The following MBNL1 variants were observed in gnomAD, a reference collection of about 807,000 sequenced individuals.
The protein encoded by MBNL1 is muscleblind like splicing regulator 1, also known as muscleblind-like protein 1.
In MBNL1, 8 loss-of-function variants were observed where a neutral mutation model predicts 42.2. That is an observed-to-expected ratio of 0.19 (90% CI 0.11 to 0.34). MBNL1 has a LOEUF of 0.34. Among genes scored for constraint, MBNL1 ranks in the 10% least tolerant of loss-of-function variants. MBNL1 has a pLI of 1.00. For synonymous variants in MBNL1, 169 were observed against 173.9 expected (o/e 0.97, Z 0.22); for missense variants, 309 against 495.3 (o/e 0.62, Z 3.57).
At chr3:152,256,721 A>C (rs754219829) in intron 2 of MBNL1, among the ~76,000 whole-genome samples, 9 of 151,990 alleles carry the variant, frequency 5.9e-5, no homozygotes, top group Admixed American at 1.3e-4. Context: ...TACTGAAAAG[A>C]CTCTTTTTAA....
At chr3:152,305,851 C>T (rs1313659676) in intron 2 of MBNL1, among the ~76,000 whole-genome samples, 2 of 152,156 alleles carry the variant, frequency 1.3e-5, no homozygotes, top group Admixed American at 6.5e-5. Context: ...GTTTCTTATA[C>T]AAATATCATC....
intron 2 of MBNL1, among the ~76,000 whole-genome samples, chr3:152,380,142 G>A (rs902725413): frequency 1.3e-5 from 2 of 152,002 alleles, no homozygotes; most frequent in South Asian, 4.1e-4. Context: ...CTTACTGTTA[G>A]GTTCTCTGTA....
In MBNL1 at chr3:152,268,938, A is replaced by G; in HGVS notation, c.-944A>G. 2.2e-6 allele frequency: 1 copy of G among 456,116 alleles called. No individual in the cohort carries two copies. Among genetic ancestry groups the G allele is most frequent in the East Asian group, 7.0e-5 (1 of 14,372 alleles). The allele number at this position is 456,116 out of a possible 1,614,324, so 28.3% of individuals were successfully genotyped here. On this transcript the variant is annotated 5_prime_UTR_variant, in exon 1 of 10. Transcript: ENST00000324210. ...CACAGCGACATGCAACAGTCTTTTC[A>G]CTGCAGCTGAATGAGTTGTGGCGCC...
chr3:152,401,544 A>T (rs918795628), intron 2 of MBNL1, among the ~76,000 whole-genome samples: 2 of 152,132 alleles, frequency 1.3e-5, no homozygotes, highest in African/African-American at 4.8e-5. Context: ...CTGTTTCTTG[A>T]ACACAATTTC....
intron 4 of MBNL1, among the ~76,000 whole-genome samples, chr3:152,441,972 T>C (rs1366401189): frequency 6.6e-6 from 1 of 152,120 alleles, no homozygotes; most frequent in East Asian, 1.9e-4. Flanking sequence ...TTTGTATTTT[T>C]AGTGGAGATG....
intron 2 of MBNL1, chr3:152,340,905 T>C (rs1417277025): frequency 1.3e-5 from 21 of 1,604,006 alleles, no homozygotes; most frequent in Non-Finnish European, 1.7e-5. Flanking sequence ...CCATCTGCAT[T>C]GTTCTCTTCT....
At chr3:152,411,377 G>A (rs1000048769) in intron 2 of MBNL1, among the ~76,000 whole-genome samples, 16 of 151,950 alleles carry the variant, frequency 1.1e-4, no homozygotes, top group African/African-American at 2.7e-4. Context: ...AAAATTAGCC[G>A]GGTGTGTTGG....
At chr3:152,315,872 T>A (rs868595665) in intron 2 of MBNL1, among the ~76,000 whole-genome samples, 180 of 141,832 alleles carry the variant, frequency 1.3e-3, no homozygotes, top group East Asian at 8.6e-3. Flanking sequence ...ACACACTCTC[T>A]CTCTCTCTCT....
intron 2 of MBNL1, among the ~76,000 whole-genome samples, chr3:152,305,355 G>T (rs1052840060): frequency 6.6e-6 from 1 of 152,144 alleles, no homozygotes; most frequent in South Asian, 2.1e-4. Flanking sequence ...TCCTTGCCAA[G>T]GATAAGTAGA....
intron 2 of MBNL1, among the ~76,000 whole-genome samples, chr3:152,402,552 T>C (rs1365496611): frequency 6.6e-6 from 1 of 152,190 alleles, no homozygotes; most frequent in African/African-American, 2.4e-5. Context: ...GGCTTGTGTA[T>C]ATGAGAAGCT....
At chr3:152,332,733 T>TGTGTGC (rs2085832455) in intron 2 of MBNL1, among the ~76,000 whole-genome samples, 2 of 133,466 alleles carry the variant, frequency 1.5e-5, no homozygotes, top group South Asian at 4.9e-4. Context: ...TGTGTGTGTG[T>TGTGTGC]GTGTGTGCGC....
intron 2 of MBNL1, among the ~76,000 whole-genome samples, chr3:152,260,199 GA>G (rs2036024477): frequency 2.0e-5 from 3 of 152,094 alleles, no homozygotes; most frequent in Admixed American, 2.0e-4. Context: ...AGAAAAGTTT[GA>G]AAAAGGAAAA....
chr3:152,392,017 G>A (rs1015439858), intron 2 of MBNL1, among the ~76,000 whole-genome samples: 2 of 151,670 alleles, frequency 1.3e-5, no homozygotes, highest in African/African-American at 2.4e-5. Flanking sequence ...GCAAACTGTC[G>A]TTTCTTTTAC....
In MBNL1 at chr3:152,300,339, G is replaced by A. The variant is rs753615521; in HGVS notation, c.146G>A (p.Arg49Gln). ...AAAAGCTGCCAAGTTGAAAATGGACGAGTAATCGCCTGCTTTGATTCATTG... is the reference window on the plus strand; with the variant it reads ...AAAAGCTGCCAAGTTGAAAATGGACAAGTAATCGCCTGCTTTGATTCATTG... ...PSKSCQVENG[R>Q]VIACFDSLKG... Residue 49 changes from arginine to glutamine, a missense_variant, in exon 2 of 10, where the codon CGA (arginine) becomes CAA (glutamine). Coordinates refer to ENST00000324210, the MANE Select transcript of MBNL1 (RefSeq NM_021038.5). The A allele has an allele frequency of 1.9e-6, 3 of 1,613,936 alleles. No homozygotes were observed. Among genetic ancestry groups the A allele is most frequent in the South Asian group, 2.2e-5 (2 of 91,070 alleles).
chr3:152,265,518 C>T (rs894285393), upstream of MBNL1: 11 of 151,954 alleles, frequency 7.2e-5, no homozygotes, highest in African/African-American at 2.4e-4. Context: ...CACAGGCACT[C>T]ACACACTTAC....
intron 2 of MBNL1, among the ~76,000 whole-genome samples, chr3:152,353,180 C>A (rs1302052413): frequency 6.6e-6 from 1 of 152,192 alleles, no homozygotes; most frequent in Non-Finnish European, 1.5e-5. Flanking sequence ...AGGTGTCTTT[C>A]TTTCTCCTGT....
intron 2 of MBNL1, among the ~76,000 whole-genome samples, chr3:152,400,649 A>T (rs2098175143): frequency 6.6e-6 from 1 of 152,310 alleles, no homozygotes; most frequent in Middle Eastern, 3.4e-3. Context: ...CCCTGTGATT[A>T]TGCAGGTGTT....
intron 8 of MBNL1, 54 bp downstream of exon 8, chr3:152,456,415 C>A: frequency 7.1e-7 from 1 of 1,401,390 alleles, no homozygotes; most frequent in Non-Finnish European, 1.0e-6. Context: ...AGGGCTCAAT[C>A]CAACAGCCCT....
At position 152,272,986 on chromosome 3, in the gene MBNL1, T is replaced by C. The variant is rs565818131; in HGVS notation, c.-790+3894T>C. On this transcript the variant is annotated intron_variant, in intron 1 of 9. Transcript: ENST00000324210. ...AAAATGTAAAATGGATGTTGTGGAT[T>C]CTTCGTGGGGAGGTTAGCTAGTTTG... 1.2e-4 allele frequency among the ~76,000 whole-genome samples: 18 copies of C among 152,320 alleles called. No homozygotes were observed. The South Asian group carries it at 3.7e-3, about 32-fold the overall frequency.
Sources: gnomAD v4.1 joint callset for allele counts (sites outside exome capture counted in the v4.1 genomes callset) on GRCh38, gnomAD v4.1.1 for gene constraint, MANE v1.5 for transcripts, NCBI Gene and HGNC (gene_info 2026-07-23, HGNC 2026-07-21) for gene names.